The following PAK1 variants were observed in gnomAD, a reference collection of about 807,000 sequenced individuals.
The protein encoded by PAK1 is p21 (RAC1) activated kinase 1.
In PAK1, 29 loss-of-function variants were observed where a neutral mutation model predicts 67.4. The ratio of observed to expected loss-of-function variants is 0.43; its 90% CI spans 0.32 to 0.59. The LOEUF is 0.59. Among genes scored for constraint, PAK1 ranks in the 20% least tolerant of loss-of-function variants. PAK1 has a pLI of 0.07. For synonymous variants in PAK1, 223 were observed against 237.4 expected, an observed-to-expected ratio of 0.94 and a Z score of 0.56; for missense variants, 337 against 670.7, an observed-to-expected ratio of 0.50 and a Z score of 5.50.
At chr11:77,382,685 T>C (rs1949984251) in intron 2 of PAK1, among the ~76,000 whole-genome samples, 1 of 152,170 alleles carries the variant, frequency 6.6e-6, no homozygotes, top group African/African-American at 2.4e-5. Flanking sequence ...GCTTACTTAG[T>C]TGAAGAACAC....
intron 1 of PAK1, among the ~76,000 whole-genome samples, chr11:77,443,264 G>T (rs200095298): frequency 6.7e-6 from 1 of 149,622 alleles, no homozygotes; most frequent in East Asian, 2.0e-4. Flanking sequence ...GCAGTGAGCC[G>T]TGATCACTGC....
At chr11:77,442,568 T>C (rs1295510343) in intron 1 of PAK1, among the ~76,000 whole-genome samples, 2 of 152,098 alleles carry the variant, frequency 1.3e-5, no homozygotes, top group African/African-American at 4.8e-5. Flanking sequence ...TGCTTGAGCC[T>C]CCAGATGACT....
rs1165996382 is a variant in PAK1, at chr11:77,337,400, C to T, written c.1140G>A (p.Leu380=). 1 of 1,608,952 alleles carries T rather than the reference C, an allele frequency of 6.2e-7. No homozygotes were observed. The highest frequency in any genetic ancestry group is 8.5e-7 in the Non-Finnish European group (1 of 1,175,684). Residue 380 remains leucine, a synonymous_variant, in exon 12 of 15, where the codon TTG becomes TTA. Coordinates refer to ENST00000356341, the MANE Select transcript of PAK1 (RefSeq NM_002576.5). The part of the protein sequence containing the change: ...CRECLQALEF[L]HSNQVIHRDI... ...CTCTGTGAATGACCTGGTTCGAATG[C>T]AAGAACTCCAGAGCCTGCAGACACT...
At chr11:77,325,817 T>G (rs1047357003) in intron 14 of PAK1, among the ~76,000 whole-genome samples, 1 of 152,196 alleles carries the variant, frequency 6.6e-6, no homozygotes, top group Admixed American at 6.5e-5. Flanking sequence ...TACAAAGACA[T>G]GCTAAGTATG....
intron 1 of PAK1, among the ~76,000 whole-genome samples, chr11:77,426,841 T>TAA (rs66931592): frequency 0.058 from 7,448 of 128,076 alleles, 477 homozygotes; most frequent in East Asian, 0.24. Context: ...GAGCAATCTT[T>TAA]AAAAAAAAAA....
the PAK1 span, among the ~76,000 whole-genome samples, chr11:77,501,315 A>C: frequency 6.6e-6 from 1 of 152,214 alleles, no homozygotes; most frequent in South Asian, 2.1e-4. Flanking sequence ...ACTATCTGCC[A>C]GAGGGGAGCT....
chr11:77,351,821 A>G (rs1451204339), intron 8 of PAK1, among the ~76,000 whole-genome samples: 1 of 151,230 alleles, frequency 6.6e-6, no homozygotes, highest in Non-Finnish European at 1.5e-5. Flanking sequence ...AGAGCCAGAC[A>G]TTTTTCTTTT....
chr11:77,421,483 C>A (rs1955259191), intron 1 of PAK1, among the ~76,000 whole-genome samples: 1 of 152,198 alleles, frequency 6.6e-6, no homozygotes, highest in Non-Finnish European at 1.5e-5. Context: ...CACTTATCAT[C>A]AACTGACATT....
chr11:77,361,403 A>G (rs1946765039), intron 5 of PAK1, among the ~76,000 whole-genome samples: 1 of 152,170 alleles, frequency 6.6e-6, no homozygotes, highest in East Asian at 1.9e-4. Context: ...ATGTGGGTGT[A>G]ACAAAGTTAG....
At chr11:77,483,269 G>T in the PAK1 span, among the ~76,000 whole-genome samples, 1 of 151,640 alleles carries the variant, frequency 6.6e-6, no homozygotes, top group Admixed American at 6.6e-5. Context: ...ATAACCAGCT[G>T]GTTGAAACAA....
intron 1 of PAK1, among the ~76,000 whole-genome samples, chr11:77,409,272 A>C (rs1477875029): frequency 6.6e-6 from 1 of 152,106 alleles, no homozygotes; most frequent in African/African-American, 2.4e-5. Context: ...CCCTGTCTCA[A>C]GAAAAGAAAA....
chr11:77,444,136 C>G (rs1956485878), intron 1 of PAK1, among the ~76,000 whole-genome samples: 1 of 151,960 alleles, frequency 6.6e-6, no homozygotes, highest in Non-Finnish European at 1.5e-5. Flanking sequence ...ACATAATATA[C>G]CTAGATTTCC....
At chr11:77,477,982 C>G (rs964844177), upstream of PAK1, among the ~76,000 whole-genome samples, 14 of 152,122 alleles carry the variant, frequency 9.2e-5, no homozygotes, top group Non-Finnish European at 1.9e-4. Context: ...TTGAGAGTGG[C>G]CAGAGCCTAT....
intron 1 of PAK1, among the ~76,000 whole-genome samples, chr11:77,469,615 T>C (rs1204494669): frequency 1.3e-5 from 2 of 151,944 alleles, no homozygotes. Flanking sequence ...CTCCTAACTT[T>C]TCCAGGGTTT....
intron 1 of PAK1, among the ~76,000 whole-genome samples, chr11:77,460,184 G>A (rs2135477435): frequency 6.6e-6 from 1 of 150,540 alleles, no homozygotes; most frequent in Non-Finnish European, 1.5e-5. Flanking sequence ...GGATGAAAAG[G>A]AAAAAGGGAG....
chr11:77,375,017 T>C (rs1948908978), intron 4 of PAK1, among the ~76,000 whole-genome samples: 1 of 152,176 alleles, frequency 6.6e-6, no homozygotes. Flanking sequence ...ACTTAGGCTA[T>C]GCTAAATTTA....
chr11:77,479,085 A>G (rs1475143561), upstream of PAK1, among the ~76,000 whole-genome samples: 11 of 114,094 alleles, frequency 9.6e-5, 1 homozygote, highest in Non-Finnish European at 1.6e-4. Flanking sequence ...ACTCCGTCTC[A>G]AAAAAAAAAA....
At chr11:77,482,838 C>A in the PAK1 span, among the ~76,000 whole-genome samples, 4 of 152,004 alleles carry the variant, frequency 2.6e-5, no homozygotes, top group Non-Finnish European at 5.9e-5. Flanking sequence ...CTCCTAGGCA[C>A]AAGCGATCCT....
chr11:77,502,292 C>T, the PAK1 span, among the ~76,000 whole-genome samples: 1 of 152,136 alleles, frequency 6.6e-6, no homozygotes, highest in Non-Finnish European at 1.5e-5. Flanking sequence ...AACTAACATA[C>T]TATGTTGGAA....
Sources: allele counts gnomAD v4.1 joint callset (sites outside exome capture counted in the v4.1 genomes callset), GRCh38; gene constraint gnomAD v4.1.1; transcripts MANE v1.5; gene names NCBI Gene and HGNC (gene_info 2026-07-23, HGNC 2026-07-21).